SNTG1: variants seen among roughly 807,000 people sequenced by gnomAD.
SNTG1 encodes syntrophin gamma 1, also known as gamma-1-syntrophin.
A neutral mutation model predicts 74.7 loss-of-function variants in SNTG1; 39 were observed. That is an observed-to-expected ratio of 0.52 (90% CI 0.40 to 0.68). The LOEUF is 0.68. Among genes scored for constraint, SNTG1 ranks in the 30% least tolerant of loss-of-function variants. The probability of loss-of-function intolerance (pLI) is 0.00; values close to 1 mark genes in which losing one functional copy is unlikely to be tolerated. For missense variants in SNTG1, 685 were observed against 609.5 expected (o/e 1.12, Z -1.30); for synonymous variants, 254 against 217.1 (o/e 1.17, Z -1.49).
intron 2 of SNTG1, among the ~76,000 whole-genome samples, chr8:50,266,839 T>C (rs112058784): frequency 0.017 from 2,644 of 152,106 alleles, 69 homozygotes; most frequent in African/African-American, 0.051. Context: ...CTCTTCACTT[T>C]GGAAACTCCA....
At chr8:50,323,575 C>A (rs991579847) in intron 2 of SNTG1, among the ~76,000 whole-genome samples, 9 of 152,118 alleles carry the variant, frequency 5.9e-5, no homozygotes, top group Non-Finnish European at 8.8e-5. Flanking sequence ...TGGAAAAGAT[C>A]CAGAAAAATT....
intron 4 of SNTG1, among the ~76,000 whole-genome samples, chr8:50,413,524 T>C (rs973558267): frequency 1.2e-4 from 18 of 152,286 alleles, no homozygotes; most frequent in African/African-American, 4.3e-4. Context: ...CCACGCCCCA[T>C]GGTAATCTGC....
At chr8:50,394,805 C>A (rs886552351) in intron 3 of SNTG1, among the ~76,000 whole-genome samples, 3 of 151,632 alleles carry the variant, frequency 2.0e-5, no homozygotes, top group Non-Finnish European at 4.4e-5. Context: ...GATGTGGGCC[C>A]CCAGGGAATA....
intron 17 of SNTG1, among the ~76,000 whole-genome samples, chr8:50,738,960 C>T (rs1339002715): frequency 1.3e-5 from 2 of 152,008 alleles, no homozygotes; most frequent in Admixed American, 6.6e-5. Context: ...CATAAAAACC[C>T]TAGAAGAAAA....
At chr8:50,668,796 C>T (rs185537674) in intron 15 of SNTG1, among the ~76,000 whole-genome samples, 1 of 151,990 alleles carries the variant, frequency 6.6e-6, no homozygotes, top group Non-Finnish European at 1.5e-5. Context: ...CATGTCCCTG[C>T]AAAGGACATG....
At chr8:50,437,452 A>G (rs2093316006) in intron 4 of SNTG1, among the ~76,000 whole-genome samples, 1 of 152,200 alleles carries the variant, frequency 6.6e-6, no homozygotes. Flanking sequence ...AGCAAGAGCC[A>G]CCAGAAGCAC....
intron 1 of SNTG1, among the ~76,000 whole-genome samples, chr8:50,084,960 G>T (rs919933322): frequency 2.6e-4 from 39 of 151,234 alleles, no homozygotes; most frequent in African/African-American, 9.2e-4. Flanking sequence ...AAATTATCCA[G>T]TCTATGGTAT....
intron 9 of SNTG1, among the ~76,000 whole-genome samples, chr8:50,520,921 G>C (rs1197256520): frequency 6.6e-6 from 1 of 151,902 alleles, no homozygotes; most frequent in Non-Finnish European, 1.5e-5. Flanking sequence ...CCTATTACTG[G>C]GTATATACCC....
intron 2 of SNTG1, among the ~76,000 whole-genome samples, chr8:50,299,428 G>C (rs2089542670): frequency 6.6e-6 from 1 of 151,992 alleles, no homozygotes; most frequent in Non-Finnish European, 1.5e-5. Flanking sequence ...TATCATAAGA[G>C]GGGCATTCAA....
In SNTG1 at chr8:50,571,762, T is replaced by C. The variant is rs376446612; in HGVS notation, c.810+18583T>C. Among the ~76,000 whole-genome samples, 13 of 152,206 alleles carry C rather than the reference T, an allele frequency of 8.5e-5. 1 individual carries two copies. Among genetic ancestry groups the C allele is most frequent in the African/African-American group, 2.9e-4 (12 of 41,452 alleles). On this transcript the variant is annotated intron_variant, in intron 12 of 18. Transcript: ENST00000642720. ...ACTGAATATTCCCTAGGTGATTCGC[T>C]CTCACCTCCTACCAGGCATAGGAGT...
intron 1 of SNTG1, among the ~76,000 whole-genome samples, chr8:49,934,509 A>G (rs758568986): frequency 5.9e-5 from 9 of 152,204 alleles, no homozygotes; most frequent in Non-Finnish European, 1.3e-4. Flanking sequence ...TGAAAATGCT[A>G]TGATAAAGAC....
At chr8:50,029,850 T>C (rs1817596358) in intron 1 of SNTG1, among the ~76,000 whole-genome samples, 1 of 152,222 alleles carries the variant, frequency 6.6e-6, no homozygotes, top group East Asian at 1.9e-4. Flanking sequence ...TTTTTTTCTT[T>C]TGTGTATATA....
chr8:50,123,508 C>A (rs2081057537), intron 1 of SNTG1, among the ~76,000 whole-genome samples: 2 of 142,422 alleles, frequency 1.4e-5, no homozygotes, highest in South Asian at 2.6e-4. Context: ...GCATTTAGAA[C>A]ATCTTTACAT....
At chr8:50,013,129 A>G (rs540397165) in intron 1 of SNTG1, among the ~76,000 whole-genome samples, 1 of 152,282 alleles carries the variant, frequency 6.6e-6, no homozygotes, top group East Asian at 1.9e-4. Flanking sequence ...TTCAATAAAT[A>G]TTTGTTAAAT....
intron 1 of SNTG1, among the ~76,000 whole-genome samples, chr8:49,984,375 T>C (rs182764795): frequency 5.5e-4 from 83 of 152,088 alleles, no homozygotes; most frequent in Admixed American, 1.5e-3. Flanking sequence ...CCGGATAATT[T>C]TGTATTTTTA....
chr8:50,670,363 T>C (rs1363262148), intron 15 of SNTG1, among the ~76,000 whole-genome samples: 11 of 151,926 alleles, frequency 7.2e-5, no homozygotes, highest in Non-Finnish European at 1.2e-4. Context: ...ACAAAATCAA[T>C]ATACAAAAAT....
intron 12 of SNTG1, among the ~76,000 whole-genome samples, chr8:50,557,436 C>G (rs2094462724): frequency 6.6e-6 from 1 of 152,172 alleles, no homozygotes; most frequent in East Asian, 1.9e-4. Flanking sequence ...CTTCAAACAA[C>G]AGAAATTCAT....
chr8:50,635,497 A>C (rs575864808), intron 13 of SNTG1, among the ~76,000 whole-genome samples: 1 of 152,326 alleles, frequency 6.6e-6, no homozygotes, highest in African/African-American at 2.4e-5. Flanking sequence ...CCAGCAGCCA[A>C]AATGCAAGAC....
At chr8:50,360,399 T>A (rs1205154214) in intron 2 of SNTG1, among the ~76,000 whole-genome samples, 1 of 152,198 alleles carries the variant, frequency 6.6e-6, no homozygotes, top group Non-Finnish European at 1.5e-5. Context: ...TTTTCTTTTG[T>A]CTTGGGGAAC....
Sources: allele counts gnomAD v4.1 joint callset (sites outside exome capture counted in the v4.1 genomes callset), GRCh38; gene constraint gnomAD v4.1.1; transcripts MANE v1.5; gene names NCBI Gene and HGNC (gene_info 2026-07-23, HGNC 2026-07-21).